Variants in TSPAN9 observed in about 807,000 individuals in gnomAD.
TSPAN9 encodes the protein tetraspanin-9.
In TSPAN9, 16 loss-of-function variants were observed where a neutral mutation model predicts 31.0. That is an observed-to-expected ratio of 0.52 (90% CI 0.35 to 0.78). TSPAN9 has a LOEUF of 0.78. Among genes scored for constraint, TSPAN9 ranks in the 30% least tolerant of loss-of-function variants. The probability of loss-of-function intolerance (pLI) is 0.01; values close to 1 mark genes in which losing one functional copy is unlikely to be tolerated. For missense variants in TSPAN9, 272 were observed against 312.5 expected (o/e 0.87, Z 0.98); for synonymous variants, 145 against 121.6 (o/e 1.19, Z -1.27).
intron 2 of TSPAN9, among the ~76,000 whole-genome samples, chr12:3,109,407 T>C (rs2098317102): frequency 1.3e-5 from 2 of 151,626 alleles, no homozygotes; most frequent in Non-Finnish European, 2.9e-5. Context: ...ACATTTTGAG[T>C]GAGGCATTAA....
chr12:3,224,369 T>C (rs1263466345), intron 3 of TSPAN9, among the ~76,000 whole-genome samples: 2 of 152,204 alleles, frequency 1.3e-5, no homozygotes, highest in Non-Finnish European at 2.9e-5. Context: ...GTAAGAGCCC[T>C]TGGAGATCTG....
intron 3 of TSPAN9, among the ~76,000 whole-genome samples, chr12:3,228,986 C>T (rs1379577090): frequency 1.3e-5 from 2 of 152,246 alleles, no homozygotes; most frequent in Non-Finnish European, 2.9e-5. Flanking sequence ...CTTTGCCTCT[C>T]TCTCATAAGG....
At position 3,193,296 on chromosome 12, in the gene TSPAN9, C is replaced by T. The variant is rs908239128; in HGVS notation, c.-17-7881C>T. Among the ~76,000 whole-genome samples the T allele has an allele frequency of 1.5e-4, 23 of 152,154 alleles. 1 individual carries two copies. The highest frequency in any genetic ancestry group is 5.8e-4 in the East Asian group (3 of 5,192). ...CAGGGCATGTGGTGTGAGCCGATTTCGGGGACAGTGGGAGTGAGGTTGGCT... is the reference window on the plus strand; with the variant it reads ...CAGGGCATGTGGTGTGAGCCGATTTTGGGGACAGTGGGAGTGAGGTTGGCT... On this transcript the variant is annotated intron_variant, in intron 2 of 8. Transcript: ENST00000011898.
rs558736070 is a variant in TSPAN9, at chr12:3,147,038, G to C, written c.-17-54139G>C. Among the ~76,000 whole-genome samples, 1 of 152,250 alleles carries C rather than the reference G, an allele frequency of 6.6e-6. No homozygotes were observed. The highest frequency in any genetic ancestry group is 2.1e-4 in the South Asian group (1 of 4,820). On this transcript the variant is annotated intron_variant, in intron 2 of 8. Transcript: ENST00000011898. This position sits in a 1 kb window ranked among gnomAD's most constrained non-coding sequence, Gnocchi z 4.3. ...GGACATCAAATGGGTAGATGTAAGT[G>C]AAAGTTCATTGTTGGTACCTTGATT...
At chr12:3,273,343 G>A (rs1468806481) in intron 3 of TSPAN9, 1 of 152,270 alleles carries the variant, frequency 6.6e-6, no homozygotes, top group Non-Finnish European at 1.5e-5. Flanking sequence ...GGAAGGGGCA[G>A]GGGAGGCTTG....
chr12:3,083,875 T>C (rs2098299129), intron 2 of TSPAN9, 156 bp downstream of exon 2: 1 of 152,332 alleles, frequency 6.6e-6, no homozygotes, highest in Non-Finnish European at 1.5e-5. Context: ...CCCTGACTCC[T>C]GGCTTTGATT....
At chr12:3,173,193 C>G (rs1294011245) in intron 2 of TSPAN9, 2 of 152,498 alleles carry the variant, frequency 1.3e-5, no homozygotes, top group Non-Finnish European at 2.9e-5. Flanking sequence ...TGGATGAGTT[C>G]AGTGGTTCCC....
At chr12:3,127,273 G>A (rs920269958) in intron 2 of TSPAN9, among the ~76,000 whole-genome samples, 1 of 151,974 alleles carries the variant, frequency 6.6e-6, no homozygotes, top group South Asian at 2.1e-4. Flanking sequence ...AATACATAAC[G>A]GAGCTGTCGT....
At chr12:3,142,681 C>T (rs1336346802) in intron 2 of TSPAN9, among the ~76,000 whole-genome samples, 1 of 151,858 alleles carries the variant, frequency 6.6e-6, no homozygotes, top group East Asian at 1.9e-4. Flanking sequence ...CGCATCCCTG[C>T]CCCCGGGTGC....
intron 3 of TSPAN9, among the ~76,000 whole-genome samples, chr12:3,229,921 G>A (rs1194681964): frequency 6.6e-6 from 1 of 152,176 alleles, no homozygotes; most frequent in Non-Finnish European, 1.5e-5. Context: ...GTCCGACCTG[G>A]CTCCCCTGGG....
At chr12:3,141,506 G>A (rs922332590) in intron 2 of TSPAN9, among the ~76,000 whole-genome samples, 90 of 152,292 alleles carry the variant, frequency 5.9e-4, no homozygotes, top group African/African-American at 2.1e-3. Context: ...AGGGCCAGCA[G>A]GAGTCCTGTG....
chr12:3,257,076 C>G (rs1216331206), intron 3 of TSPAN9, among the ~76,000 whole-genome samples: 3 of 152,052 alleles, frequency 2.0e-5, no homozygotes, highest in South Asian at 2.1e-4. Flanking sequence ...GTTAGGAGAC[C>G]GCTCCCCACC....
intron 2 of TSPAN9, among the ~76,000 whole-genome samples, chr12:3,093,376 C>CT (rs2098305920): frequency 6.6e-6 from 1 of 152,156 alleles, no homozygotes; most frequent in Non-Finnish European, 1.5e-5. Flanking sequence ...TGAATTTGAC[C>CT]ACAGGAAGAA....
chr12:3,279,852 T>C (rs2153980913), intron 5 of TSPAN9, among the ~76,000 whole-genome samples: 2 of 152,374 alleles, frequency 1.3e-5, no homozygotes, highest in Admixed American at 1.3e-4. Flanking sequence ...GGCCCTTTTA[T>C]GAGAATTGTT....
At chr12:3,141,564 C>T (rs1283942643) in intron 2 of TSPAN9, among the ~76,000 whole-genome samples, 1 of 152,150 alleles carries the variant, frequency 6.6e-6, no homozygotes, top group Non-Finnish European at 1.5e-5. Flanking sequence ...GCCTGTCCCT[C>T]ATTCCGTGCC....
chr12:3,125,018 A>C (rs2098326705), intron 2 of TSPAN9: 2 of 152,156 alleles, frequency 1.3e-5, no homozygotes, highest in African/African-American at 4.8e-5. Flanking sequence ...AGCTATGATC[A>C]TGCCATTGTG....
At chr12:3,194,975 C>G (rs1304077985) in intron 2 of TSPAN9, among the ~76,000 whole-genome samples, 1 of 152,162 alleles carries the variant, frequency 6.6e-6, no homozygotes, top group Non-Finnish European at 1.5e-5. Context: ...GAAGAAGATC[C>G]CAAATTTGGA....
intron 3 of TSPAN9, among the ~76,000 whole-genome samples, chr12:3,275,625 A>G (rs1474396751): frequency 6.6e-6 from 1 of 152,244 alleles, no homozygotes; most frequent in Non-Finnish European, 1.5e-5. Flanking sequence ...CTGGAGCGCC[A>G]CCTAGTGGCC....
rs543833657 is a variant in TSPAN9, at chr12:3,083,832, A to G, written c.-18+113A>G. On this transcript the variant is annotated intron_variant, in intron 2 of 8. Coordinates refer to ENST00000011898, the MANE Select transcript of TSPAN9 (RefSeq NM_006675.5). ...CCTTTAACTGTGGGTTGGGCAGGAT[A>G]GAAGAGGATGCTGACATTTTCTAGT... 2.0e-5 allele frequency: 3 copies of G among 152,386 alleles called. 1 individual carries two copies. In the South Asian group the frequency reaches 6.2e-4, roughly 32 times the overall value. The allele number at this position is 152,386 out of a possible 1,614,324, so 9.4% of individuals were successfully genotyped here. A position where few individuals can be genotyped will look rare whatever the true frequency, so the allele number is the denominator to read the frequency against.
Sources: gnomAD v4.1 joint callset for allele counts (sites outside exome capture counted in the v4.1 genomes callset) on GRCh38, gnomAD v4.1.1 for gene constraint, Gnocchi (gnomAD v3.1) non-coding constraint, MANE v1.5 for transcripts, NCBI Gene and HGNC (gene_info 2026-07-23, HGNC 2026-07-21) for gene names.